Variants in MNAT1 observed in about 807,000 individuals in gnomAD.
MNAT1 encodes MNAT1 component of CDK activating kinase.
In MNAT1, 43 loss-of-function variants were observed where a neutral mutation model predicts 42.0. The ratio of observed to expected loss-of-function variants is 1.02; its 90% confidence interval spans 0.80 to 1.32. The LOEUF (loss-of-function observed/expected upper bound fraction) is 1.32, where lower values mean the gene tolerates loss of function less well. Among genes scored for constraint, MNAT1 ranks in the 40% most tolerant of loss-of-function variants. MNAT1 has a pLI of 0.00. For missense variants in MNAT1, 306 were observed against 350.4 expected (o/e 0.87, Z 1.01); for synonymous variants, 118 against 120.0 (o/e 0.98, Z 0.11).
In MNAT1 at chr14:60,826,094, A is replaced by T. The variant is rs571906504; in HGVS notation, c.687+7247A>T. On this transcript the variant is annotated intron_variant, in intron 6 of 7. Transcript: ENST00000261245. The stretch of plus-strand genomic sequence containing the variant: ...GAGGATTTTATTATTATATATTCAC[A>T]TAGGTAGGGTTCAGTCAGTCAGTGA... Among the ~76,000 whole-genome samples, 56 of 152,268 alleles carry T rather than the reference A, an allele frequency of 3.7e-4. 1 individual carries two copies. The highest frequency in any genetic ancestry group is 7.1e-4 in the Non-Finnish European group (48 of 68,020).
At chr14:60,866,766 T>C (rs1382010549) in intron 6 of MNAT1, among the ~76,000 whole-genome samples, 1 of 152,074 alleles carries the variant, frequency 6.6e-6, no homozygotes, top group African/African-American at 2.4e-5. Flanking sequence ...AATTATATAT[T>C]ATTTGAGGAT....
chr14:60,871,465 G>C (rs1392256059), intron 6 of MNAT1, among the ~76,000 whole-genome samples: 1 of 152,120 alleles, frequency 6.6e-6, no homozygotes, highest in African/African-American at 2.4e-5. Flanking sequence ...TTGTCTGTCA[G>C]TTTGGTTGTT....
intron 1 of MNAT1, among the ~76,000 whole-genome samples, chr14:60,767,227 T>G (rs1424880426): frequency 6.6e-6 from 1 of 152,242 alleles, no homozygotes; most frequent in Non-Finnish European, 1.5e-5. Context: ...AATGGTAATA[T>G]GTACAAGAAA....
intron 1 of MNAT1, among the ~76,000 whole-genome samples, chr14:60,758,167 C>A (rs1388756262): frequency 6.6e-6 from 1 of 151,948 alleles, no homozygotes; most frequent in African/African-American, 2.4e-5. Context: ...TTATCCTATT[C>A]CCCTTGTAGT....
intron 1 of MNAT1, among the ~76,000 whole-genome samples, chr14:60,759,134 A>G (rs1201375137): frequency 6.6e-6 from 1 of 152,196 alleles, no homozygotes; most frequent in Non-Finnish European, 1.5e-5. Context: ...ATCTGTTTAC[A>G]TATTAGGTTT....
intron 3 of MNAT1, chr14:60,799,252 A>G: frequency 1.0e-6 from 1 of 985,402 alleles, no homozygotes; most frequent in Non-Finnish European, 1.2e-6. Context: ...TTTGTATGTT[A>G]TCTTAGCAAT....
chr14:60,812,921 C>G (rs1264385386), intron 5 of MNAT1, among the ~76,000 whole-genome samples: 1 of 152,182 alleles, frequency 6.6e-6, no homozygotes, highest in East Asian at 1.9e-4. Context: ...GGATGCCAGA[C>G]AAGAGCTTGG....
chr14:60,957,370 C>A (rs1396118427), intron 7 of MNAT1, among the ~76,000 whole-genome samples: 1 of 152,132 alleles, frequency 6.6e-6, no homozygotes. Flanking sequence ...GGAGGCCTCA[C>A]AATCATGGCT....
chr14:60,880,048 G>A (rs1435804614), intron 7 of MNAT1: 9 of 330,830 alleles, frequency 2.7e-5, no homozygotes, highest in African/African-American at 6.4e-5. Flanking sequence ...GAATACATTC[G>A]TTCTTTTAGA....
intron 1 of MNAT1, among the ~76,000 whole-genome samples, chr14:60,766,349 A>G (rs1343243292): frequency 6.6e-6 from 1 of 151,552 alleles, no homozygotes; most frequent in Non-Finnish European, 1.5e-5. Context: ...TCTGTCAAAA[A>G]AAAAAAAAGA....
Position 60,900,048 on chromosome 14 carries a change from ATC to A in MNAT1, c.809+20247_809+20248del, listed in dbSNP as rs61149455. Among the ~76,000 whole-genome samples the A allele has an allele frequency of 3.3e-3, 446 of 136,388 alleles. 3 individuals are homozygous for A. The East Asian group carries it at 0.037, about 11-fold the overall frequency. The allele number at this position is 136,388 out of a possible 152,430, so 89.5% of individuals were successfully genotyped here. A position where few individuals can be genotyped will look rare whatever the true frequency, so the allele number is the denominator to read the frequency against. ...TGTTCTTCTGACTGGCTGTTTCCCCATCTCTCTCTCTCTCTCTCTCTCTCTCT... is the reference window on the plus strand; with the variant it reads ...TGTTCTTCTGACTGGCTGTTTCCCCATCTCTCTCTCTCTCTCTCTCTCTCT... On this transcript the variant is annotated intron_variant, in intron 7 of 7. Transcript: ENST00000261245.
At chr14:60,936,551 G>A (rs2036001707) in intron 7 of MNAT1, among the ~76,000 whole-genome samples, 1 of 152,024 alleles carries the variant, frequency 6.6e-6, no homozygotes, top group Non-Finnish European at 1.5e-5. Context: ...CAAAGGACAT[G>A]AACTCATTAT....
intron 7 of MNAT1, among the ~76,000 whole-genome samples, chr14:60,915,310 T>C (rs553208988): frequency 9.2e-4 from 140 of 152,346 alleles, no homozygotes; most frequent in Middle Eastern, 3.4e-3. Flanking sequence ...CTTATTTCAC[T>C]TGCCCTATTA....
At position 60,793,902 on chromosome 14, in the gene MNAT1, G is replaced by A. The variant is rs376688196; in HGVS notation, c.90-2315G>A. Among the ~76,000 whole-genome samples, 50 of 152,040 alleles carry A rather than the reference G, an allele frequency of 3.3e-4. No homozygotes were observed. In the Middle Eastern group the frequency reaches 0.014, roughly 41 times the overall value. On this transcript the variant is annotated intron_variant, in intron 1 of 7. Coordinates refer to ENST00000261245, the MANE Select transcript of MNAT1 (RefSeq NM_002431.4). ...TAAAATTAGAAATGGAAAATGTTACGTAGGAAAATAAACTGCAATAAAAAA... is the reference window on the plus strand; with the variant it reads ...TAAAATTAGAAATGGAAAATGTTACATAGGAAAATAAACTGCAATAAAAAA...
intron 6 of MNAT1, among the ~76,000 whole-genome samples, chr14:60,866,372 T>C (rs773755381): frequency 5.4e-5 from 8 of 148,926 alleles, no homozygotes; most frequent in Non-Finnish European, 1.0e-4. Flanking sequence ...TGTCACAGTA[T>C]AGCTGTGTTG....
intron 1 of MNAT1, among the ~76,000 whole-genome samples, chr14:60,783,711 C>T (rs548600164): frequency 1.4e-4 from 21 of 152,160 alleles, no homozygotes; most frequent in Admixed American, 3.3e-4. Flanking sequence ...TTAGCCAGGA[C>T]GGTCTCGATC....
intron 6 of MNAT1, among the ~76,000 whole-genome samples, chr14:60,869,040 A>ATTTTTTTTTT (rs71114162): frequency 8.8e-6 from 1 of 113,054 alleles, no homozygotes; most frequent in African/African-American, 3.4e-5. Context: ...ATATATATAT[A>ATTTTTTTTTT]TTTTTTTTTT....
chr14:60,864,804 G>A (rs1381097064), intron 6 of MNAT1, among the ~76,000 whole-genome samples: 4 of 152,088 alleles, frequency 2.6e-5, no homozygotes, highest in Middle Eastern at 6.8e-3. Context: ...GTGTGTATGT[G>A]CATTTGGTTT....
In MNAT1 at chr14:60,818,889, A is replaced by T. The variant is rs760406109; in HGVS notation, c.687+42A>T. On this transcript the variant is annotated intron_variant, in intron 6 of 7. Transcript: ENST00000261245. ...TTGCTTGTTTGAAAGATATTTTTTC[A>T]AGGATTATGCTTTATAATTTTACAC... The T allele has an allele frequency of 2.5e-6, 4 of 1,597,478 alleles. No individual in the cohort carries two copies. In the South Asian group the frequency reaches 4.5e-5, roughly 18 times the overall value.
Sources: gnomAD v4.1 joint callset for allele counts (sites outside exome capture counted in the v4.1 genomes callset) on GRCh38, gnomAD v4.1.1 for gene constraint, MANE v1.5 for transcripts, NCBI Gene and HGNC (gene_info 2026-07-23, HGNC 2026-07-21) for gene names.